The following ADA2 variants were observed in gnomAD, a reference collection of about 807,000 sequenced individuals.
The protein encoded by ADA2 is adenosine deaminase 2, also known as adenosine deaminase CECR1.
ADA2 carries 29 observed loss-of-function variants against 44.2 expected under a neutral mutation model. The ratio of observed to expected loss-of-function variants is 0.66; its 90% CI spans 0.49 to 0.89. The LOEUF is 0.89. Among genes scored for constraint, ADA2 ranks in the 40% least tolerant of loss-of-function variants. ADA2 has a pLI of 0.00. For missense variants in ADA2, 637 were observed against 644.8 expected (o/e 0.99, Z 0.13); for synonymous variants, 215 against 234.9 (o/e 0.92, Z 0.77).
intron 1 of ADA2, chr22:17,210,027 A>T (rs2062402074): frequency 4.4e-6 from 1 of 227,140 alleles, no homozygotes; most frequent in South Asian, 8.0e-5. Flanking sequence ...AGTAGCTGGG[A>T]CTACAGGTGC....
chr22:17,203,725 G>T lies in ADA2; in HGVS notation c.591C>A (p.Tyr197Ter). 1 of 1,614,162 alleles carries T rather than the reference G, an allele frequency of 6.2e-7. No individual in the cohort carries two copies. Among genetic ancestry groups the T allele is most frequent in the Non-Finnish European group, 8.5e-7 (1 of 1,180,014 alleles). The change falls in exon 4 of 10, where the codon TAC (tyrosine) becomes TAA (stop). Residue 197 changes from tyrosine (Y) to a stop codon, truncating the protein, a stop_gained. Coordinates refer to ENST00000399837, the MANE Select transcript of ADA2 (RefSeq NM_001282225.2). LOFTEE classifies it high-confidence loss of function. ...TCGACCAGACAACATTTTGGTTTGT[G>T]TAAATCACCTCCGGGTGCTGGGTCA... ...TLVTQHPEVI[Y>*]TNQNVVWSKF...
intron 6 of ADA2, among the ~76,000 whole-genome samples, chr22:17,188,886 T>TA (rs1491152456): frequency 1.7e-5 from 1 of 59,576 alleles, no homozygotes; most frequent in Non-Finnish European, 3.9e-5. Context: ...TATATATATA[T>TA]TTTGTAAAGA....
intron 1 of ADA2, among the ~76,000 whole-genome samples, chr22:17,211,323 C>T (rs887351433): frequency 6.6e-6 from 1 of 152,122 alleles, no homozygotes; most frequent in African/African-American, 2.4e-5. Context: ...CGCGCCACTG[C>T]ACTCCAGCCT....
intron 7 of ADA2, among the ~76,000 whole-genome samples, chr22:17,186,481 C>T (rs745305874): frequency 6.6e-6 from 1 of 151,986 alleles, no homozygotes; most frequent in Non-Finnish European, 1.5e-5. Context: ...ACTCGGGAGG[C>T]TGAGGCACGA....
At chr22:17,196,371 A>G (rs2062191451) in intron 4 of ADA2, among the ~76,000 whole-genome samples, 2 of 151,978 alleles carry the variant, frequency 1.3e-5, no homozygotes, top group African/African-American at 4.8e-5. Flanking sequence ...CATCTAATAC[A>G]GGATATATCA....
chr22:17,209,570 A>T lies in ADA2; in HGVS notation c.108T>A (p.His36Gln). Residue 36 changes from histidine (H) to glutamine (Q), a missense_variant, in exon 2 of 10, where the codon CAT becomes CAA. Physicochemically the swap from His to Gln is conservative, Grantham distance 24 (BLOSUM62 0). Coordinates refer to ENST00000399837, the MANE Select transcript of ADA2 (RefSeq NM_001282225.2). Reference sequence around the variant, plus strand: ...GCATCATCTTTTCTTTCAACAACAGATGCGCCCGTGTTTCATCTATGGATA... The same window carrying T: ...GCATCATCTTTTCTTTCAACAACAGTTGCGCCCGTGTTTCATCTATGGATA... ...SALSIDETRA[H>Q]LLLKEKMMRL... The T allele has an allele frequency of 1.9e-6, 3 of 1,613,996 alleles. No homozygotes were observed. The highest frequency in any genetic ancestry group is 2.5e-6 in the Non-Finnish European group (3 of 1,180,008).
intron 7 of ADA2, among the ~76,000 whole-genome samples, chr22:17,183,805 G>T (rs980006464): frequency 2.0e-5 from 3 of 151,736 alleles, no homozygotes; most frequent in Non-Finnish European, 4.4e-5. Flanking sequence ...TATGTTACAG[G>T]TTCTCTTATT....
rs2062399303 is a variant in ADA2, at chr22:17,209,854, A to G, written c.-46-131T>C. 5 of 617,260 alleles carry G rather than the reference A, an allele frequency of 8.1e-6. No homozygotes were observed. In the Admixed American group the frequency reaches 1.5e-4, roughly 18 times the overall value. The allele number at this position is 617,260 out of a possible 1,614,324, so 38.2% of individuals were successfully genotyped here. A position where few individuals can be genotyped will look rare whatever the true frequency, so the allele number is the denominator to read the frequency against. On this transcript the variant is annotated intron_variant, in intron 1 of 9. Coordinates refer to ENST00000399837, the MANE Select transcript of ADA2 (RefSeq NM_001282225.2). Reference sequence around the variant, plus strand: ...GATTCTTCTTCCAGACCCCAGAGAAAAGACCTACAGGTACAGACAGGTAGG... The same window carrying G: ...GATTCTTCTTCCAGACCCCAGAGAAGAGACCTACAGGTACAGACAGGTAGG...
At chr22:17,189,880 C>A in intron 6 of ADA2, 62 bp downstream of exon 6, 1 of 1,236,958 alleles carries the variant, frequency 8.1e-7, no homozygotes, top group Non-Finnish European at 1.2e-6. Flanking sequence ...GCCGCTCCAC[C>A]CAGACAGGCA....
At chr22:17,190,098 C>T in intron 5 of ADA2, 66 bp from the exon 6 acceptor site, 4 of 1,280,352 alleles carry the variant, frequency 3.1e-6, no homozygotes, top group Non-Finnish European at 4.5e-6. Flanking sequence ...CCCCAGAGCA[C>T]ACCCTCCGTG....
chr22:17,205,040 C>T (rs2062338656), intron 3 of ADA2, among the ~76,000 whole-genome samples: 1 of 150,636 alleles, frequency 6.6e-6, no homozygotes, highest in South Asian at 2.1e-4. Context: ...TTTTTTTAAA[C>T]AGAATCTTGC....
intron 2 of ADA2, among the ~76,000 whole-genome samples, chr22:17,208,838 A>ATTTTTTTTTTTTTTTTTTTTTTTT (rs796662081): frequency 2.8e-5 from 4 of 142,908 alleles, no homozygotes; most frequent in African/African-American, 1.1e-4. Context: ...AAAAATTAAC[A>ATTTTTTTTTTTTTTTTTTTTTTTT]TTTTTTGGGG....
At chr22:17,186,250 G>A (rs2062034179) in intron 7 of ADA2, among the ~76,000 whole-genome samples, 1 of 152,184 alleles carries the variant, frequency 6.6e-6, no homozygotes, top group Non-Finnish European at 1.5e-5. Flanking sequence ...TTCACTCGGA[G>A]GATGGAGAGC....
intron 1 of ADA2, among the ~76,000 whole-genome samples, chr22:17,215,601 G>C (rs1439645226): frequency 7.2e-6 from 1 of 138,744 alleles, no homozygotes; most frequent in Non-Finnish European, 1.5e-5. Flanking sequence ...GCAAGACTCC[G>C]TCTCAAAAAA....
chr22:17,199,723 C>A, intron 4 of ADA2: 1 of 1,520,496 alleles, frequency 6.6e-7, no homozygotes, highest in Non-Finnish European at 8.8e-7. Flanking sequence ...CCAGCCACCC[C>A]TTACTACCTA....
At chr22:17,187,166 CAAAAAAA>C (rs34453748) in intron 7 of ADA2, among the ~76,000 whole-genome samples, 1 of 127,454 alleles carries the variant, frequency 7.8e-6, no homozygotes, top group Admixed American at 8.4e-5. Context: ...GACTCCATCT[CAAAAAAA>C]AAAAAAAAAA....
intron 4 of ADA2, chr22:17,193,370 A>AAG (rs2062147162): frequency 2.5e-6 from 1 of 393,254 alleles, no homozygotes; most frequent in African/African-American, 2.1e-5. Context: ...AAAAAAAAAA[A>AAG]AAAAAAAAAA....
At chr22:17,214,102 A>AGAC in intron 1 of ADA2, 1 of 699,312 alleles carries the variant, frequency 1.4e-6, no homozygotes. Flanking sequence ...GGACTTCAAC[A>AGAC]GACACCTGGA....
intron 7 of ADA2, among the ~76,000 whole-genome samples, chr22:17,183,184 A>G (rs2061993083): frequency 6.6e-6 from 1 of 152,030 alleles, no homozygotes; most frequent in African/African-American, 2.4e-5. Context: ...CCCAGGTTCA[A>G]ACAATTTTCC....
Sources: allele counts gnomAD v4.1 joint callset (sites outside exome capture counted in the v4.1 genomes callset), GRCh38; gene constraint gnomAD v4.1.1; transcripts MANE v1.5; gene names NCBI Gene and HGNC (gene_info 2026-07-23, HGNC 2026-07-21).